Variants in STAT5B observed in about 807,000 individuals in gnomAD.
STAT5B encodes the protein transcription factor STAT5B.
In STAT5B, 21 loss-of-function variants were observed where a neutral mutation model predicts 107.8. The ratio of observed to expected loss-of-function variants is 0.19; its 90% CI spans 0.14 to 0.28. The LOEUF is 0.28. Among genes scored for constraint, STAT5B ranks in the 10% least tolerant of loss-of-function variants. STAT5B has a pLI of 1.00. For synonymous variants in STAT5B, 325 were observed against 401.7 expected (o/e 0.81, Z 2.28); for missense variants, 565 against 1,008.2 (o/e 0.56, Z 5.95).
At chr17:42,251,562 G>A (rs1411598096) in intron 1 of STAT5B, among the ~76,000 whole-genome samples, 2 of 152,032 alleles carry the variant, frequency 1.3e-5, no homozygotes, top group Non-Finnish European at 2.9e-5. Flanking sequence ...GATAACAAAG[G>A]ATACTGAAGT....
At chr17:42,262,877 TATAC>T (rs1320513769) in intron 1 of STAT5B, among the ~76,000 whole-genome samples, 1 of 128,688 alleles carries the variant, frequency 7.8e-6, no homozygotes, top group Non-Finnish European at 1.6e-5. Flanking sequence ...TGTGTGTATA[TATAC>T]ACATATATAT....
In STAT5B at chr17:42,224,678, C is replaced by T. The variant is rs1424337535; in HGVS notation, c.375+101G>A. On this transcript the variant is annotated intron_variant, in intron 4 of 18. Coordinates refer to ENST00000293328, the MANE Select transcript of STAT5B (RefSeq NM_012448.4). The stretch of plus-strand genomic sequence containing the variant: ...GGATGAAGCTCTCTTTAAAGAGACA[C>T]CAATAGTGCACCCTGAGTCACCTTG... The T allele has an allele frequency of 4.3e-6, 5 of 1,156,056 alleles. 1 individual carries two copies. Among genetic ancestry groups the T allele is most frequent in the South Asian group, 3.9e-5 (3 of 77,714 alleles). The allele number at this position is 1,156,056 out of a possible 1,614,324, so 71.6% of individuals were successfully genotyped here. A position where few individuals can be genotyped will look rare whatever the true frequency, so the allele number is the denominator to read the frequency against.
intron 1 of STAT5B, chr17:42,271,427 G>A (rs2080721326): frequency 6.6e-6 from 1 of 152,188 alleles, no homozygotes; most frequent in Non-Finnish European, 1.5e-5. Context: ...AGTCAGAAAG[G>A]AAAGTTTTCA....
the STAT5B span, among the ~76,000 whole-genome samples, chr17:42,283,649 G>A: frequency 5.3e-5 from 8 of 152,242 alleles, no homozygotes; most frequent in Non-Finnish European, 8.8e-5. Flanking sequence ...GAAGAGTGGT[G>A]GATAGGGGAC....
At position 42,201,375 on chromosome 17, in the gene STAT5B, T is replaced by C. The variant is rs2080042021; in HGVS notation, c.*363A>G. 1 of 595,282 alleles carries C rather than the reference T, an allele frequency of 1.7e-6. No individual in the cohort carries two copies. The highest frequency in any genetic ancestry group is 1.9e-5 in the African/African-American group (1 of 53,882). 36.9% of individuals were successfully genotyped at this position (595,282 alleles called of 1,614,324 possible). ...CAGCCACATGTCAAAGTCCAGCCAC[T>C]CTTAAGACACATGGCCAACTTCCAG... On this transcript the variant is annotated 3_prime_UTR_variant, in exon 19 of 19. Coordinates refer to ENST00000293328, the MANE Select transcript of STAT5B (RefSeq NM_012448.4).
chr17:42,278,001 C>G (rs2080778346), upstream of STAT5B, among the ~76,000 whole-genome samples: 1 of 152,082 alleles, frequency 6.6e-6, no homozygotes, highest in Non-Finnish European at 1.5e-5. Flanking sequence ...CGTAATCTGC[C>G]CGCCTCAGCC....
chr17:42,251,157 A>G (rs1191224036), intron 1 of STAT5B, among the ~76,000 whole-genome samples: 1 of 152,050 alleles, frequency 6.6e-6, no homozygotes, highest in Non-Finnish European at 1.5e-5. Context: ...AAAGGATGCC[A>G]TATTTGGGGG....
intron 16 of STAT5B, 97 bp from the exon 17 acceptor site, chr17:42,202,905 C>T: frequency 6.8e-7 from 1 of 1,471,968 alleles, no homozygotes; most frequent in South Asian, 1.1e-5. Context: ...AGAACACAAC[C>T]ACCTAACTTA....
chr17:42,210,553 A>C, intron 13 of STAT5B, 56 bp from the exon 14 acceptor site: 3 of 1,449,618 alleles, frequency 2.1e-6, no homozygotes, highest in Non-Finnish European at 2.9e-6. Flanking sequence ...TTGGAATATT[A>C]TACACATATT....
intron 1 of STAT5B, among the ~76,000 whole-genome samples, chr17:42,238,451 C>G (rs1399764342): frequency 8.0e-6 from 1 of 124,848 alleles, no homozygotes; most frequent in Admixed American, 8.1e-5. Flanking sequence ...TGTGCCTGGC[C>G]TTTTTTTTTT....
intron 12 of STAT5B, among the ~76,000 whole-genome samples, chr17:42,212,934 C>T (rs977354784): frequency 5.3e-5 from 8 of 152,236 alleles, no homozygotes; most frequent in Non-Finnish European, 1.2e-4. Context: ...TGTATCCCAC[C>T]AAAGATATTC....
intron 15 of STAT5B, among the ~76,000 whole-genome samples, chr17:42,209,784 A>G (rs1453050086): frequency 6.6e-6 from 1 of 152,216 alleles, no homozygotes; most frequent in Non-Finnish European, 1.5e-5. Context: ...ATAAAGGAAT[A>G]TTTTTACTAC....
chr17:42,227,486 C>G (rs2080283431), intron 3 of STAT5B, 43 bp downstream of exon 3: 9 of 1,611,904 alleles, frequency 5.6e-6, no homozygotes, highest in Non-Finnish European at 7.6e-6. Flanking sequence ...AAGAAGACCC[C>G]CAAGGGAAGG....
intron 2 of STAT5B, among the ~76,000 whole-genome samples, chr17:42,231,107 A>G (rs1216083379): frequency 6.6e-6 from 1 of 152,110 alleles, no homozygotes; most frequent in Non-Finnish European, 1.5e-5. Flanking sequence ...TTAATAAACT[A>G]TAAGAAATAA....
chr17:42,255,649 G>A (rs185542286), intron 1 of STAT5B, among the ~76,000 whole-genome samples: 51 of 152,302 alleles, frequency 3.3e-4, no homozygotes, highest in Non-Finnish European at 2.8e-4. Flanking sequence ...CAGAGCCTGC[G>A]GGGAGGGGCA....
rs763332867 is a variant in STAT5B, at chr17:42,210,450, A to G, written c.1728T>C (p.Gly576=). 7 of 1,614,028 alleles carry G rather than the reference A, an allele frequency of 4.3e-6. No individual in the cohort carries two copies. The Admixed American group carries it at 1.2e-4, about 27-fold the overall frequency. The stretch of plus-strand genomic sequence containing the variant: ...GATGTTTTTTTAACACTTCCATCAC[A>G]CCGTCAAACCATTGCCAGAAAGTGT... The part of the protein sequence containing the change: ...RNYTFWQWFD[G]VMEVLKKHLK... The change falls in exon 14 of 19, where the codon GGT becomes GGC. Residue 576 remains glycine (G), a synonymous_variant. Coordinates refer to ENST00000293328, the MANE Select transcript of STAT5B (RefSeq NM_012448.4).
rs769580915 is a variant in STAT5B at position 42,201,734 on chromosome 17, G to A, written c.*4C>T. Reference sequence around the variant, plus strand: ...AAGAAGCTGAAGATGGAGAGGTCGCGGGGTCACGATTGTGCGTGCGGGATC... The same window carrying A: ...AAGAAGCTGAAGATGGAGAGGTCGCAGGGTCACGATTGTGCGTGCGGGATC... On this transcript the variant is annotated 3_prime_UTR_variant, in exon 19 of 19. Coordinates refer to ENST00000293328, the MANE Select transcript of STAT5B (RefSeq NM_012448.4). 11 of 1,558,216 alleles carry A rather than the reference G, an allele frequency of 7.1e-6. No homozygotes were observed. The highest frequency in any genetic ancestry group is 1.7e-4 in the Middle Eastern group (1 of 5,994).
At chr17:42,266,831 G>C (rs1027451451) in intron 1 of STAT5B, among the ~76,000 whole-genome samples, 3 of 152,026 alleles carry the variant, frequency 2.0e-5, no homozygotes, top group Non-Finnish European at 4.4e-5. Context: ...ATTTTGTTTT[G>C]ATACCTTCAA....
At position 42,258,679 on chromosome 17, in the gene STAT5B, A is replaced by AAAAC. The variant is rs567230265; in HGVS notation, c.-11+17565_-11+17568dup. Among the ~76,000 whole-genome samples the AAAAC allele has an allele frequency of 3.5e-3, 537 of 152,374 alleles. 2 individuals carry two copies. Among genetic ancestry groups the AAAAC allele is most frequent in the African/African-American group, 0.011 (468 of 41,586 alleles). ...GGGAAACAGAGCGAGACTCCGTCTC[A>AAAAC]AAACAAACAAACAAACAAAACCATT... On this transcript the variant is annotated intron_variant, in intron 1 of 18. Transcript: ENST00000293328.
Sources: allele counts gnomAD v4.1 joint callset (sites outside exome capture counted in the v4.1 genomes callset), GRCh38; gene constraint gnomAD v4.1.1; transcripts MANE v1.5; gene names NCBI Gene and HGNC (gene_info 2026-07-23, HGNC 2026-07-21).